The following OTOA variants were observed in gnomAD, a reference collection of about 807,000 sequenced individuals.
OTOA encodes the protein otoancorin.
Under a neutral mutation model 110.8 loss-of-function variants are expected in OTOA, and 70 were observed. The observed-to-expected ratio is 0.63, with a 90% CI of 0.52 to 0.77. The LOEUF is 0.77. OTOA is among the 30% of genes least tolerant of loss of function. OTOA has a pLI of 0.00. For synonymous variants in OTOA, 373 were observed against 431.5 expected (o/e 0.86, Z 1.68); for missense variants, 917 against 1,075.8 (o/e 0.85, Z 2.06).
Position 21,681,821 on chromosome 16 carries a change from T to C in OTOA, c.263T>C (p.Leu88Pro). The C allele has an allele frequency of 6.2e-7, 1 of 1,613,270 alleles. No individual in the cohort carries two copies. Among genetic ancestry groups the C allele is most frequent in the South Asian group, 1.1e-5 (1 of 91,068 alleles). ...SRNVAFTIPS[L>P]QAAVENHLEQ... ...AATGTTGCCTTCACCATCCCCAGCC[T>C]GCAGGTGTGTACCTGAGACCCATCT... Residue 88 changes from leucine (L) to proline (P), a missense_variant, in exon 6 of 29, where the codon CTG (leucine) becomes CCG (proline). By Grantham distance (98) the Leu-to-Pro change is moderately conservative. Coordinates refer to ENST00000646100, the MANE Select transcript of OTOA (RefSeq NM_144672.4).
chr16:21,706,078 G>A (rs997753717), intron 12 of OTOA, among the ~76,000 whole-genome samples: 1 of 150,344 alleles, frequency 6.7e-6, no homozygotes. Flanking sequence ...GACAGAGCAA[G>A]ACCCTATCTA....
At chr16:21,727,861 C>CTT (rs1247263694) in intron 19 of OTOA, among the ~76,000 whole-genome samples, 14 of 133,882 alleles carry the variant, frequency 1.0e-4, no homozygotes, top group South Asian at 2.4e-4. Flanking sequence ...GGGATCGGAA[C>CTT]TTTTTTTTTT....
At chr16:21,671,518 C>A (rs2141646614) in intron 1 of OTOA, among the ~76,000 whole-genome samples, 1 of 140,354 alleles carries the variant, frequency 7.1e-6, no homozygotes, top group South Asian at 2.2e-4. Context: ...ACCTGGGAAG[C>A]AGAGGTTGCA....
chr16:21,732,681 A>C (rs1402394903), intron 21 of OTOA, among the ~76,000 whole-genome samples: 6 of 152,070 alleles, frequency 3.9e-5, no homozygotes, highest in Non-Finnish European at 5.9e-5. Context: ...TTAAAAAAAA[A>C]CCCAGATTGC....
chr16:21,664,694 A>G (rs1966829532), intron 1 of OTOA, among the ~76,000 whole-genome samples: 2 of 152,046 alleles, frequency 1.3e-5, no homozygotes, highest in South Asian at 4.1e-4. Flanking sequence ...AAATGCAGGT[A>G]AAGGCCGGGG....
intron 13 of OTOA, among the ~76,000 whole-genome samples, chr16:21,714,332 CCTTTCTTT>C (rs1182162717): frequency 2.7e-4 from 34 of 127,734 alleles, no homozygotes; most frequent in Admixed American, 7.7e-4. Flanking sequence ...TTCCTTCCTT[CCTTTCTTT>C]CTTTCTTTCT....
chr16:21,729,679 C>T lies in OTOA; in HGVS notation c.2208-1158C>T, dbSNP rs603936. 5.9e-5 allele frequency: 9 copies of T among 152,288 alleles called. No homozygotes were observed. The South Asian group carries it at 6.2e-4, about 11-fold the overall frequency. The allele number at this position is 152,288 out of a possible 1,614,324, so 9.4% of individuals were successfully genotyped here. A position where few individuals can be genotyped will look rare whatever the true frequency, so the allele number is the denominator to read the frequency against. On this transcript the variant is annotated intron_variant, in intron 20 of 28. Coordinates refer to ENST00000646100, the MANE Select transcript of OTOA (RefSeq NM_144672.4). ...GGGCTTTGCCTGTTCATTCCTCTCTCACTCCTAATTCCTGGCAACCACTGA... is the reference window on the plus strand; with the variant it reads ...GGGCTTTGCCTGTTCATTCCTCTCTTACTCCTAATTCCTGGCAACCACTGA...
chr16:21,736,820 C>A (rs1199549039), intron 22 of OTOA, among the ~76,000 whole-genome samples: 1 of 152,344 alleles, frequency 6.6e-6, no homozygotes, highest in South Asian at 2.1e-4. Flanking sequence ...GACAGCGAGA[C>A]TCTGTCTCAA....
intron 11 of OTOA, chr16:21,704,848 C>T: frequency 1.3e-6 from 1 of 758,334 alleles, no homozygotes. Context: ...TTGGGTCTTG[C>T]TACAAGGTGA....
At chr16:21,721,695 C>A (rs1437297335) in intron 17 of OTOA, among the ~76,000 whole-genome samples, 2 of 151,972 alleles carry the variant, frequency 1.3e-5, no homozygotes, top group Admixed American at 6.6e-5. Context: ...TTGAAACCAA[C>A]CTGGGAAACA....
At chr16:21,687,244 C>T (rs1051667721) in intron 7 of OTOA, among the ~76,000 whole-genome samples, 169 bp from the exon 8 acceptor site, 1 of 152,126 alleles carries the variant, frequency 6.6e-6, no homozygotes, top group Admixed American at 6.5e-5. Flanking sequence ...CAGGTAAAGG[C>T]CTTGACTTTG....
At chr16:21,690,389 C>T (rs1035554430) in intron 8 of OTOA, among the ~76,000 whole-genome samples, 2 of 151,900 alleles carry the variant, frequency 1.3e-5, no homozygotes, top group Non-Finnish European at 2.9e-5. Flanking sequence ...GTTCCCCTCC[C>T]TGTGTCCATG....
chr16:21,675,451 C>G (rs533473094), intron 1 of OTOA, among the ~76,000 whole-genome samples: 1 of 151,120 alleles, frequency 6.6e-6, no homozygotes, highest in Non-Finnish European at 1.5e-5. Flanking sequence ...CCACTGTGCC[C>G]TGCTAATGAT....
chr16:21,667,966 C>T (rs987667411), intron 1 of OTOA, among the ~76,000 whole-genome samples: 1 of 148,176 alleles, frequency 6.7e-6, no homozygotes, highest in East Asian at 1.9e-4. Context: ...GTGGGTGGTA[C>T]TTTACTAACC....
intron 23 of OTOA, among the ~76,000 whole-genome samples, chr16:21,743,502 A>G (rs1041775429): frequency 4.0e-5 from 6 of 151,256 alleles, no homozygotes; most frequent in African/African-American, 1.2e-4. Context: ...CAGAGGTGGA[A>G]TTTCTGGGTC....
intron 12 of OTOA, among the ~76,000 whole-genome samples, chr16:21,705,964 C>T (rs1331344462): frequency 6.6e-6 from 1 of 151,290 alleles, no homozygotes; most frequent in Admixed American, 6.6e-5. Context: ...AAGCCATGTG[C>T]CTATAGTGCC....
chr16:21,692,557 G>T (rs1020936690), intron 9 of OTOA, among the ~76,000 whole-genome samples: 5 of 152,112 alleles, frequency 3.3e-5, no homozygotes, highest in African/African-American at 1.2e-4. Flanking sequence ...AAATATTCTG[G>T]ATATGGCTGG....
At chr16:21,694,678 A>G (rs1171391173) in intron 9 of OTOA, among the ~76,000 whole-genome samples, 1 of 152,134 alleles carries the variant, frequency 6.6e-6, no homozygotes, top group Non-Finnish European at 1.5e-5. Flanking sequence ...CAGGAAATAC[A>G]AAGGCCCTGA....
In OTOA at chr16:21,729,291, C is replaced by T. The variant is rs1899032329; in HGVS notation, c.2207+860C>T. On this transcript the variant is annotated intron_variant, in intron 20 of 28. Transcript: ENST00000646100. ...GGCTCAAGGGATTCACCCACCTAAG[C>T]CTCCCACAGTGTTGGGATTATAGGT... Among the ~76,000 whole-genome samples the T allele has an allele frequency of 4.6e-5, 7 of 152,280 alleles. No individual in the cohort carries two copies. In the South Asian group the frequency reaches 1.5e-3, roughly 32 times the overall value.
Sources: allele counts gnomAD v4.1 joint callset (sites outside exome capture counted in the v4.1 genomes callset), GRCh38; gene constraint gnomAD v4.1.1; transcripts MANE v1.5; gene names NCBI Gene and HGNC (gene_info 2026-07-23, HGNC 2026-07-21).